TNPO2: variants seen among roughly 807,000 people sequenced by gnomAD.
The protein encoded by TNPO2 is transportin-2.
A neutral mutation model predicts 111.1 loss-of-function variants in TNPO2; 16 were observed. That is an observed-to-expected ratio of 0.14 (90% confidence interval 0.10 to 0.22). TNPO2 has a LOEUF of 0.22. Among genes scored for constraint, TNPO2 ranks in the 10% least tolerant of loss-of-function variants. TNPO2 has a pLI of 1.00. For missense variants in TNPO2, 530 were observed against 1,173.7 expected (o/e 0.45, Z 8.01); for synonymous variants, 481 against 475.8 (o/e 1.01, Z -0.14).
At chr19:12,709,642 G>GTTTT (rs78853226) in intron 13 of TNPO2, among the ~76,000 whole-genome samples, 15 of 122,914 alleles carry the variant, frequency 1.2e-4, no homozygotes, top group African/African-American at 3.8e-4. Flanking sequence ...ATTTTATCAG[G>GTTTT]TTTTTTTTTT....
rs779517700 is a variant in TNPO2, at chr19:12,719,301, G to A, written c.135C>T (p.Asn45=). The A allele has an allele frequency of 6.2e-7, 1 of 1,613,994 alleles. No homozygotes were observed. Among genetic ancestry groups the A allele is most frequent in the South Asian group, 1.1e-5 (1 of 91,086 alleles). ...TGGTCAGGACGAAAATCAGGTAGTTGTTGAAGTCAGGAAACTGATTGAGTT... is the reference window on the plus strand; with the variant it reads ...TGGTCAGGACGAAAATCAGGTAGTTATTGAAGTCAGGAAACTGATTGAGTT... The part of the protein sequence containing the change: ...LKQLNQFPDF[N]NYLIFVLTRL... Residue 45 remains asparagine (N), a synonymous_variant, in exon 4 of 26, where the codon AAC becomes AAT. Transcript: ENST00000425528. This position sits in a 1 kb window ranked among gnomAD's most constrained non-coding sequence, Gnocchi z 5.0.
At chr19:12,709,539 G>GCAGTGGCGCAATCA (rs1228352970) in intron 13 of TNPO2, among the ~76,000 whole-genome samples, 1 of 151,816 alleles carries the variant, frequency 6.6e-6, no homozygotes, top group Non-Finnish European at 1.5e-5. Context: ...ATGCTGGAAC[G>GCAGTGGCGCAATCA]CAGTGGCGCA....
rs752837400 is a variant in TNPO2 at position 12,705,596 on chromosome 19, G to A, written c.1759C>T (p.Leu587=). The change falls in exon 17 of 26, where the codon CTG becomes TTG. Residue 587 remains leucine, a synonymous_variant. Transcript: ENST00000425528. This position sits in a 1 kb window ranked among gnomAD's most constrained non-coding sequence, Gnocchi z 7.2. ...DKDLFPLLEC[L]SSVATALQSG... ...TGCAGGGCGGTGGCCACCGATGACA[G>A]ACACTGGCAGGGAGGAAGGCAGGTG... is the stretch of plus-strand genomic sequence containing the variant. 1 of 1,599,404 alleles carries A rather than the reference G, an allele frequency of 6.3e-7. No individual in the cohort carries two copies. Among genetic ancestry groups the A allele is most frequent in the South Asian group, 1.1e-5 (1 of 88,338 alleles).
In TNPO2 at chr19:12,702,461, C is replaced by G; in HGVS notation, c.2306-284G>C. 1.7e-6 allele frequency: 1 copy of G among 596,970 alleles called. No individual in the cohort carries two copies. The highest frequency in any genetic ancestry group is 3.1e-6 in the Non-Finnish European group (1 of 326,478). The allele number at this position is 596,970 out of a possible 1,614,324, so 37.0% of individuals were successfully genotyped here. ...CCAGGCTGGAGTGCAGTGGCATGAT[C>G]TTGGCTCATTGCAACCTGCCTCAGC... On this transcript the variant is annotated intron_variant, in intron 21 of 25. Transcript: ENST00000425528. The surrounding 1 kb of genome is among the most constrained non-coding windows in gnomAD (Gnocchi z 5.5).
chr19:12,703,924 G>A, intron 18 of TNPO2, 123 bp from the exon 19 acceptor site: 1 of 847,728 alleles, frequency 1.2e-6, no homozygotes, highest in Admixed American at 2.9e-5. Context: ...GCTCCTAGCT[G>A]TTCCTTAACC....
rs2025445938 is a variant in TNPO2 at position 12,703,415 on chromosome 19, G to A, written c.2209+13C>T. The A allele has an allele frequency of 1.2e-6, 2 of 1,611,846 alleles. No individual in the cohort carries two copies. The highest frequency in any genetic ancestry group is 2.2e-5 in the South Asian group (2 of 91,026). ...TAATGGGGGGCGCGTGTTGCCACTT[G>A]CAGGGCACTCACCCATCTGCATGCA... On this transcript the variant is annotated intron_variant, in intron 20 of 25. Coordinates refer to ENST00000425528, the MANE Select transcript of TNPO2 (RefSeq NM_001382241.1).
chr19:12,707,471 T>TG (rs1430904647), intron 13 of TNPO2, among the ~76,000 whole-genome samples: 1 of 147,670 alleles, frequency 6.8e-6, no homozygotes, highest in Admixed American at 6.8e-5. Flanking sequence ...AAGATGTTTG[T>TG]GAGTTTTCTT....
At chr19:12,711,172 G>T (rs1038516819) in intron 12 of TNPO2, 124 bp downstream of exon 12, 2 of 1,308,770 alleles carry the variant, frequency 1.5e-6, no homozygotes. Flanking sequence ...GGGATTACAG[G>T]CGTAAGCCAC....
Position 12,721,404 on chromosome 19 carries a change from G to A in TNPO2, c.-13-414C>T. ...CCGCCCCAGACCGTGATAGCGCCCCGGCCCCCGTGGTCTCTTCTATGCAGG... is the reference window on the plus strand; with the variant it reads ...CCGCCCCAGACCGTGATAGCGCCCCAGCCCCCGTGGTCTCTTCTATGCAGG... On this transcript the variant is annotated intron_variant, in intron 2 of 25. Coordinates refer to ENST00000425528, the MANE Select transcript of TNPO2 (RefSeq NM_001382241.1). This position sits in a 1 kb window ranked among gnomAD's most constrained non-coding sequence, Gnocchi z 4.9. 3 of 805,304 alleles carry A rather than the reference G, an allele frequency of 3.7e-6. No individual in the cohort carries two copies. Among genetic ancestry groups the A allele is most frequent in the South Asian group, 1.4e-5 (1 of 70,276 alleles). The allele number at this position is 805,304 out of a possible 1,614,324, so 49.9% of individuals were successfully genotyped here.
At position 12,711,293 on chromosome 19, in the gene TNPO2, C is replaced by A. The variant is rs1356920821; in HGVS notation, c.1117+3G>T. 1.2e-6 allele frequency: 2 copies of A among 1,611,920 alleles called. No individual in the cohort carries two copies. Among genetic ancestry groups the A allele is most frequent in the Admixed American group, 3.3e-5 (2 of 59,950 alleles). ...ACCACCACCCCCAGGCAGGGGCACACACTCAAATTCCAGTCGGACAGAGCA... is the reference window on the plus strand; with the variant it reads ...ACCACCACCCCCAGGCAGGGGCACAAACTCAAATTCCAGTCGGACAGAGCA... On this transcript the variant is annotated splice_donor_region_variant and intron_variant, in intron 12 of 25. Coordinates refer to ENST00000425528, the MANE Select transcript of TNPO2 (RefSeq NM_001382241.1).
intron 10 of TNPO2, 70 bp from the exon 11 acceptor site, chr19:12,711,683 G>A: frequency 1.4e-6 from 2 of 1,407,652 alleles, no homozygotes; most frequent in South Asian, 2.4e-5. Context: ...CACAGCTTGG[G>A]GAGGAGGCAA....
rs1299061367 is a variant in TNPO2 at position 12,702,995 on chromosome 19, C to T, written c.2210-77G>A. On this transcript the variant is annotated intron_variant, in intron 20 of 25. Transcript: ENST00000425528. The surrounding 1 kb of genome is among the most constrained non-coding windows in gnomAD (Gnocchi z 5.5). ...CCAGGGGGCCGCCCCACCTCACTCACTACTCGCCCCAGTTCCAACTAGAGA... is the reference window on the plus strand; with the variant it reads ...CCAGGGGGCCGCCCCACCTCACTCATTACTCGCCCCAGTTCCAACTAGAGA... 7.7e-7 allele frequency: 1 copy of T among 1,303,594 alleles called. No homozygotes were observed. The highest frequency in any genetic ancestry group is 1.1e-6 in the Non-Finnish European group (1 of 912,170). The allele number at this position is 1,303,594 out of a possible 1,614,324, so 80.8% of individuals were successfully genotyped here. A position where few individuals can be genotyped will look rare whatever the true frequency, so the allele number is the denominator to read the frequency against.
chr19:12,720,736 T>C, intron 3 of TNPO2, 143 bp downstream of exon 3: 1 of 1,016,038 alleles, frequency 9.8e-7, no homozygotes, highest in Non-Finnish European at 1.4e-6. Context: ...GGAATTGTAA[T>C]CCTTCTCTGT....
At chr19:12,718,122 A>G (rs910390409) in intron 5 of TNPO2, among the ~76,000 whole-genome samples, 3 of 151,546 alleles carry the variant, frequency 2.0e-5, no homozygotes, top group African/African-American at 7.3e-5. Context: ...CTCCTGCCTC[A>G]GCCTCCTGAG....
Position 12,719,356 on chromosome 19 carries a change from C to G in TNPO2, c.100-20G>C. 1 of 1,611,652 alleles carries G rather than the reference C, an allele frequency of 6.2e-7. No individual in the cohort carries two copies. The stretch of plus-strand genomic sequence containing the variant: ...GAGTTTCTGCCAGGCTGTTAAGGGA[C>G]TTGGAAGACAGAGGCCTTCCCCCAG... On this transcript the variant is annotated intron_variant, in intron 3 of 25. Transcript: ENST00000425528. The surrounding 1 kb of genome is among the most constrained non-coding windows in gnomAD (Gnocchi z 5.0).
chr19:12,712,586 C>A (rs1023171287), intron 10 of TNPO2, among the ~76,000 whole-genome samples: 1 of 152,198 alleles, frequency 6.6e-6, no homozygotes, highest in Non-Finnish European at 1.5e-5. Context: ...TAATGGCATA[C>A]GCTGTCTTTC....
chr19:12,701,217 C>T lies in TNPO2; in HGVS notation c.*47G>A. The T allele has an allele frequency of 2.8e-6, 2 of 709,034 alleles. No homozygotes were observed. The highest frequency in any genetic ancestry group is 1.8e-5 in the South Asian group (1 of 54,396). 43.9% of individuals were successfully genotyped at this position (709,034 alleles called of 1,614,324 possible). On this transcript the variant is annotated 3_prime_UTR_variant, in exon 26 of 26. Coordinates refer to ENST00000425528, the MANE Select transcript of TNPO2 (RefSeq NM_001382241.1). The surrounding 1 kb of genome is among the most constrained non-coding windows in gnomAD (Gnocchi z 5.0). Reference sequence around the variant, plus strand: ...CGGATGCAGCGCACTCCCCAGTAATCCCTCCGACGACGACGCAGACAGAAA... The same window carrying T: ...CGGATGCAGCGCACTCCCCAGTAATTCCTCCGACGACGACGCAGACAGAAA...
chr19:12,713,698 T>A (rs2026196906), intron 10 of TNPO2, among the ~76,000 whole-genome samples: 1 of 151,682 alleles, frequency 6.6e-6, no homozygotes, highest in Admixed American at 6.6e-5. Flanking sequence ...AGAGTGAGAC[T>A]CCGTCTCAAA....
chr19:12,704,757 ACTGCAACCTCTGCCTCC>A (rs1362474893), intron 18 of TNPO2, among the ~76,000 whole-genome samples: 2 of 151,714 alleles, frequency 1.3e-5, no homozygotes, highest in Non-Finnish European at 2.9e-5. Flanking sequence ...ATCTCAGCTC[ACTGCAACCTCTGCCTCC>A]TGGGTTCAAG....
Sources: gnomAD v4.1 joint callset for allele counts (sites outside exome capture counted in the v4.1 genomes callset) on GRCh38, gnomAD v4.1.1 for gene constraint, Gnocchi (gnomAD v3.1) non-coding constraint, MANE v1.5 for transcripts, NCBI Gene and HGNC (gene_info 2026-07-23, HGNC 2026-07-21) for gene names.